The following RORA variants were observed in gnomAD, a reference collection of about 807,000 sequenced individuals.
RORA encodes RAR related orphan receptor A, also known as nuclear receptor ROR-alpha.
A neutral mutation model predicts 69.5 loss-of-function variants in RORA; 7 were observed. The observed-to-expected ratio is 0.10, with a 90% CI of 0.06 to 0.19. The LOEUF (loss-of-function observed/expected upper bound fraction) is 0.19, where lower values mean the gene tolerates loss of function less well. RORA is among the 10% of genes least tolerant of loss of function. The pLI, the probability that RORA is intolerant of heterozygous loss-of-function variation, is 1.00. For synonymous variants in RORA, 261 were observed against 240.8 expected, an observed-to-expected ratio of 1.08 and a Z score of -0.78; for missense variants, 457 against 663.0, an observed-to-expected ratio of 0.69 and a Z score of 3.41.
At chr15:61,041,005 T>C (rs1458448443) in intron 1 of RORA, 1 of 152,130 alleles carries the variant, frequency 6.6e-6, no homozygotes, top group Non-Finnish European at 1.5e-5. Context: ...TTGACTGAAA[T>C]GGAAATATTA....
rs149749402 is a variant in RORA, at chr15:60,804,951, T to C, written c.167-126265A>G. ...TAATGCAGTCATTGACTTTCTTATA[T>C]GTGTAGCTTTAAACACAATTTCCTC... On this transcript the variant is annotated intron_variant, in intron 1 of 10. Transcript: ENST00000335670. Among the ~76,000 whole-genome samples the C allele has an allele frequency of 2.0e-4, 30 of 152,352 alleles. 1 individual carries two copies. The East Asian group carries it at 5.6e-3, about 28-fold the overall frequency.
chr15:60,708,943 G>A (rs762262678), intron 1 of RORA, among the ~76,000 whole-genome samples: 2 of 152,134 alleles, frequency 1.3e-5, no homozygotes, highest in South Asian at 2.1e-4. Context: ...CCACAGCCAC[G>A]CAGGACCAAG....
At chr15:61,200,194 G>T (rs1464089780) in intron 1 of RORA, among the ~76,000 whole-genome samples, 2 of 152,186 alleles carry the variant, frequency 1.3e-5, no homozygotes, top group African/African-American at 2.4e-5. Flanking sequence ...GTCGGGAAAA[G>T]AGTCATTCTG....
chr15:61,198,860 C>T (rs1202036236), intron 1 of RORA, among the ~76,000 whole-genome samples: 4 of 152,106 alleles, frequency 2.6e-5, no homozygotes, highest in Admixed American at 2.6e-4. Flanking sequence ...CCTATGATTT[C>T]CCTTAACTCC....
intron 2 of RORA, among the ~76,000 whole-genome samples, chr15:60,577,358 A>G (rs2068054687): frequency 1.3e-5 from 2 of 152,176 alleles, no homozygotes; most frequent in African/African-American, 2.4e-5. Flanking sequence ...AAAAACTGCA[A>G]AGAGGCCTGG....
At chr15:61,160,001 G>C (rs2079480745) in intron 1 of RORA, among the ~76,000 whole-genome samples, 1 of 152,176 alleles carries the variant, frequency 6.6e-6, no homozygotes, top group African/African-American at 2.4e-5. Context: ...ACTCATTCCA[G>C]TTCCTTCTCT....
chr15:61,112,578 G>A (rs1008742199), intron 1 of RORA, among the ~76,000 whole-genome samples: 18 of 152,182 alleles, frequency 1.2e-4, no homozygotes, highest in East Asian at 3.9e-4. Context: ...GGTGCCACGC[G>A]TATTTAACGC....
chr15:60,882,605 A>G (rs1272476119), intron 1 of RORA, among the ~76,000 whole-genome samples: 4 of 150,838 alleles, frequency 2.7e-5, no homozygotes, highest in South Asian at 2.1e-4. Flanking sequence ...TGTTTATTCT[A>G]AAAGGACTTA....
At chr15:60,982,519 C>T (rs1894075202) in intron 1 of RORA, among the ~76,000 whole-genome samples, 1 of 152,092 alleles carries the variant, frequency 6.6e-6, no homozygotes. Context: ...AGTTCTCAGT[C>T]AGGAGAGATA....
At chr15:60,998,657 C>A (rs1482284706) in intron 1 of RORA, among the ~76,000 whole-genome samples, 1 of 152,170 alleles carries the variant, frequency 6.6e-6, no homozygotes, top group African/African-American at 2.4e-5. Context: ...CCTCAGTCTC[C>A]CAAAGTGCTG....
intron 1 of RORA, among the ~76,000 whole-genome samples, chr15:60,931,874 T>C (rs1052906718): frequency 1.4e-4 from 21 of 152,194 alleles, no homozygotes; most frequent in African/African-American, 5.1e-4. Context: ...ATTCCTTCAA[T>C]ATTAACACCA....
intron 1 of RORA, among the ~76,000 whole-genome samples, chr15:60,689,278 C>A (rs928440921): frequency 7.9e-5 from 12 of 152,124 alleles, no homozygotes; most frequent in African/African-American, 2.9e-4. Context: ...GATGGCAATG[C>A]ATCTTACAGG....
chr15:60,917,738 T>A (rs1248058874), intron 1 of RORA, among the ~76,000 whole-genome samples: 1 of 152,138 alleles, frequency 6.6e-6, no homozygotes, highest in Non-Finnish European at 1.5e-5. Flanking sequence ...CTCTCAGGAG[T>A]TAAGTTTCTT....
chr15:61,083,520 C>T (rs540666732), intron 1 of RORA, among the ~76,000 whole-genome samples: 1 of 152,204 alleles, frequency 6.6e-6, no homozygotes, highest in Admixed American at 6.5e-5. Flanking sequence ...TAACATATTT[C>T]ACAAAATCCT....
Position 60,820,758 on chromosome 15 carries a change from C to A in RORA, c.167-142072G>T, listed in dbSNP as rs567993163. ...AGGTCCCAACTTCTAATTTTCAATC[C>A]GTCGGCTTAGTCTTGGTTTTTCATT... is the stretch of plus-strand genomic sequence containing the variant. On this transcript the variant is annotated intron_variant, in intron 1 of 10. Coordinates refer to ENST00000335670, the MANE Select transcript of RORA (RefSeq NM_134261.3). Among the ~76,000 whole-genome samples, 6 of 152,276 alleles carry A rather than the reference C, an allele frequency of 3.9e-5. No individual in the cohort carries two copies. The East Asian group carries it at 1.2e-3, about 29-fold the overall frequency.
intron 1 of RORA, among the ~76,000 whole-genome samples, chr15:60,989,532 A>G (rs1019486925): frequency 7.2e-5 from 11 of 152,152 alleles, no homozygotes; most frequent in Non-Finnish European, 1.2e-4. Flanking sequence ...TAAATATTCA[A>G]ATTTCTGTGT....
At chr15:61,045,711 AG>A (rs1467239302) in intron 1 of RORA, among the ~76,000 whole-genome samples, 1 of 152,226 alleles carries the variant, frequency 6.6e-6, no homozygotes, top group Non-Finnish European at 1.5e-5. Context: ...CTGGGCCTCA[AG>A]GCATACTGCA....
chr15:60,727,750 C>G (rs534741770), intron 1 of RORA, among the ~76,000 whole-genome samples: 10 of 152,254 alleles, frequency 6.6e-5, no homozygotes, highest in African/African-American at 2.4e-4. Flanking sequence ...TCTTATCCCA[C>G]CTAGTAAGAG....
chr15:61,029,440 T>G lies in RORA; in HGVS notation c.166+199613A>C, dbSNP rs79851181. ...ATGCAATGGGTGGCACTGGAGGGCT[T>G]TAAGCAGGAAAGAGGTGGAGGGAAG... On this transcript the variant is annotated intron_variant, in intron 1 of 10. Coordinates refer to ENST00000335670, the MANE Select transcript of RORA (RefSeq NM_134261.3). Among the ~76,000 whole-genome samples, 26 of 152,242 alleles carry G rather than the reference T, an allele frequency of 1.7e-4. No individual in the cohort carries two copies. The East Asian group carries it at 4.8e-3, about 28-fold the overall frequency.
Sources: allele counts gnomAD v4.1 joint callset (sites outside exome capture counted in the v4.1 genomes callset), GRCh38; gene constraint gnomAD v4.1.1; transcripts MANE v1.5; gene names NCBI Gene and HGNC (gene_info 2026-07-23, HGNC 2026-07-21).